GASK1A: variants seen among roughly 807,000 people sequenced by gnomAD.
The protein encoded by GASK1A is golgi associated kinase 1A.
A neutral mutation model predicts 41.2 loss-of-function variants in GASK1A; 40 were observed. The observed-to-expected ratio is 0.97, with a 90% CI of 0.75 to 1.27. The LOEUF (loss-of-function observed/expected upper bound fraction) is 1.27, where lower values mean the gene tolerates loss of function less well. GASK1A is among the 50% of genes most tolerant of loss of function. GASK1A has a pLI of 0.00. For synonymous variants in GASK1A, 316 were observed against 307.1 expected (o/e 1.03, Z -0.30); for missense variants, 678 against 745.1 (o/e 0.91, Z 1.05).
rs1220339878 is a variant in GASK1A, at chr3:42,998,972, T to C, written c.3+19327T>C. On this transcript the variant is annotated intron_variant, in intron 1 of 4. Transcript: ENST00000430121. ...TCATTTTATCTATTGGCTTTTGGAC[T>C]TTTTTTTTTTAACCTAATATGTGTG... is the stretch of plus-strand genomic sequence containing the variant. 3.0e-3 allele frequency among the ~76,000 whole-genome samples: 305 copies of C among 101,092 alleles called. 1 individual carries two copies. Among genetic ancestry groups the C allele is most frequent in the African/African-American group, 8.0e-3 (284 of 35,446 alleles). The allele number at this position is 101,092 out of a possible 152,430, so 66.3% of individuals were successfully genotyped here.
intron 1 of GASK1A, among the ~76,000 whole-genome samples, chr3:43,020,075 G>A (rs2089513710): frequency 6.6e-6 from 1 of 152,152 alleles, no homozygotes; most frequent in Non-Finnish European, 1.5e-5. Flanking sequence ...CATATTTGTA[G>A]GCAGTGGAGG....
At chr3:43,046,727 A>G (rs2089664785) in intron 2 of GASK1A, among the ~76,000 whole-genome samples, 1 of 152,178 alleles carries the variant, frequency 6.6e-6, no homozygotes, top group Non-Finnish European at 1.5e-5. Flanking sequence ...CCATCTCATC[A>G]CAGGTCCAAA....
At chr3:42,996,646 C>T (rs1301836515) in intron 1 of GASK1A, among the ~76,000 whole-genome samples, 2 of 152,170 alleles carry the variant, frequency 1.3e-5, no homozygotes, top group Non-Finnish European at 2.9e-5. Context: ...ATCAATAGCC[C>T]ATGTGTTATT....
intron 1 of GASK1A, among the ~76,000 whole-genome samples, chr3:43,028,609 C>T (rs2089558480): frequency 6.6e-6 from 1 of 152,078 alleles, no homozygotes; most frequent in Admixed American, 6.5e-5. Context: ...TCTCCTAACC[C>T]CCCACCCCAT....
intron 1 of GASK1A, among the ~76,000 whole-genome samples, chr3:43,013,680 T>G (rs955064602): frequency 1.6e-4 from 21 of 132,228 alleles, no homozygotes; most frequent in East Asian, 4.8e-4. Context: ...TACAGGAAGG[T>G]GCTGTGTGAA....
At chr3:43,016,476 G>A (rs1474873360) in intron 1 of GASK1A, among the ~76,000 whole-genome samples, 1 of 151,646 alleles carries the variant, frequency 6.6e-6, no homozygotes, top group Non-Finnish European at 1.5e-5. Flanking sequence ...AAGGGGCAAT[G>A]TGAAGCCCCA....
At chr3:42,996,949 G>A (rs1316982094) in intron 1 of GASK1A, among the ~76,000 whole-genome samples, 1 of 152,232 alleles carries the variant, frequency 6.6e-6, no homozygotes, top group Non-Finnish European at 1.5e-5. Context: ...TGACAAGTAG[G>A]TCACTCTGTC....
intron 1 of GASK1A, among the ~76,000 whole-genome samples, chr3:43,030,874 G>A (rs1442982588): frequency 1.3e-5 from 2 of 152,160 alleles, no homozygotes; most frequent in African/African-American, 4.8e-5. Flanking sequence ...GGGGGCTACT[G>A]AGGATGGACT....
rs553601709 is a variant in GASK1A at position 42,991,715 on chromosome 3, T to C, written c.3+12070T>C. On this transcript the variant is annotated intron_variant, in intron 1 of 4. Transcript: ENST00000430121. Reference sequence around the variant, plus strand: ...GAGGGCTGGAGGCTGTAACGGCCAGTGAATGGGACATTTGGATGTCTGTGC... The same window carrying C: ...GAGGGCTGGAGGCTGTAACGGCCAGCGAATGGGACATTTGGATGTCTGTGC... 5.2e-3 allele frequency among the ~76,000 whole-genome samples: 792 copies of C among 152,210 alleles called. 4 individuals are homozygous for C. Among genetic ancestry groups the C allele is most frequent in the Non-Finnish European group, 9.4e-3 (639 of 68,020 alleles).
chr3:43,012,270 G>A (rs565183399), intron 1 of GASK1A, among the ~76,000 whole-genome samples: 31 of 143,180 alleles, frequency 2.2e-4, no homozygotes, highest in African/African-American at 7.7e-4. Context: ...GGCAGTGTGA[G>A]GTCACAGGAA....
chr3:42,981,726 C>G (rs1331713183), intron 1 of GASK1A, among the ~76,000 whole-genome samples: 1 of 152,226 alleles, frequency 6.6e-6, no homozygotes, highest in Non-Finnish European at 1.5e-5. Flanking sequence ...CTCAAAGCTG[C>G]ACTTCCCAAG....
chr3:43,014,550 T>G (rs2089480375), intron 1 of GASK1A, among the ~76,000 whole-genome samples: 1 of 145,918 alleles, frequency 6.9e-6, no homozygotes, highest in Non-Finnish European at 1.5e-5. Flanking sequence ...TCACAGGAAG[T>G]GGCTGTGGGA....
At chr3:42,995,481 AT>A (rs1288878882) in intron 1 of GASK1A, among the ~76,000 whole-genome samples, 5 of 152,188 alleles carry the variant, frequency 3.3e-5, no homozygotes. Flanking sequence ...ATTGGTTCAA[AT>A]TTATTTAAAA....
At chr3:43,051,081 A>AT (rs986119595) in intron 2 of GASK1A, among the ~76,000 whole-genome samples, 13 of 152,084 alleles carry the variant, frequency 8.5e-5, no homozygotes, top group Non-Finnish European at 1.5e-4. Flanking sequence ...ACTGTCTCAT[A>AT]TTTTTTTGTT....
chr3:43,044,665 G>A (rs943428217), intron 2 of GASK1A, among the ~76,000 whole-genome samples: 2 of 152,252 alleles, frequency 1.3e-5, no homozygotes, highest in East Asian at 3.9e-4. Context: ...AAACTAAACC[G>A]TGGCCCACAA....
rs2089686682 is a variant in GASK1A at position 43,051,184 on chromosome 3, TGTTTTTGTTTGTAGTG to T, written c.1291-2331_1291-2316del. ...TTTTGTCATTGCTGTTTGTTGTAGT[TGTTTTTGTTTGTAGTG>T]GTTTTCTTTATTTGCTTGTTTTATT... On this transcript the variant is annotated intron_variant, in intron 2 of 4. Transcript: ENST00000430121. 2.6e-5 allele frequency among the ~76,000 whole-genome samples: 4 copies of T among 152,216 alleles called. No individual in the cohort carries two copies. In the South Asian group the frequency reaches 8.3e-4, roughly 31 times the overall value.
At chr3:42,990,210 TA>T (rs2089332931) in intron 1 of GASK1A, among the ~76,000 whole-genome samples, 1 of 151,594 alleles carries the variant, frequency 6.6e-6, no homozygotes, top group Admixed American at 6.6e-5. Context: ...TACAAAAGTT[TA>T]AAAAGGTGTG....
chr3:43,041,017 T>C (rs1237705815), intron 2 of GASK1A, among the ~76,000 whole-genome samples: 1 of 150,752 alleles, frequency 6.6e-6, no homozygotes, highest in Non-Finnish European at 1.5e-5. Flanking sequence ...GAATGATGAT[T>C]TCCAATTTCA....
At chr3:43,038,948 G>A (rs1377040870) in intron 2 of GASK1A, among the ~76,000 whole-genome samples, 1 of 151,864 alleles carries the variant, frequency 6.6e-6, no homozygotes, top group Non-Finnish European at 1.5e-5. Context: ...TTGTGGTGTG[G>A]TGTATCTGAA....
Sources: gnomAD v4.1 joint callset for allele counts (sites outside exome capture counted in the v4.1 genomes callset) on GRCh38, gnomAD v4.1.1 for gene constraint, MANE v1.5 for transcripts, NCBI Gene and HGNC (gene_info 2026-07-23, HGNC 2026-07-21) for gene names.